The following ANO2 variants were observed in gnomAD, a reference collection of about 807,000 sequenced individuals.
ANO2 encodes anoctamin-2.
In ANO2, 101 loss-of-function variants were observed where a neutral mutation model predicts 124.2. The observed-to-expected ratio is 0.81, with a 90% CI of 0.69 to 0.96. ANO2 has a LOEUF of 0.96. Among genes scored for constraint, ANO2 ranks in the 40% least tolerant of loss-of-function variants. The probability of loss-of-function intolerance (pLI) is 0.00; values close to 1 mark genes in which losing one functional copy is unlikely to be tolerated. For missense variants in ANO2, 1,293 were observed against 1,274.5 expected (o/e 1.01, Z -0.22); for synonymous variants, 486 against 482.5 (o/e 1.01, Z -0.09).
intron 7 of ANO2, among the ~76,000 whole-genome samples, chr12:5,808,349 C>T (rs1023516661): frequency 6.6e-6 from 1 of 152,200 alleles, no homozygotes; most frequent in Non-Finnish European, 1.5e-5. Flanking sequence ...ATAAAGTCGT[C>T]GTTATTTACT....
In ANO2 at chr12:5,923,088, A is replaced by ACG. The variant is rs1327624556; in HGVS notation, c.23-285_23-284insCG. 1.2e-4 allele frequency among the ~76,000 whole-genome samples: 2 copies of ACG among 17,230 alleles called. 1 individual carries two copies. Among genetic ancestry groups the ACG allele is most frequent in the African/African-American group, 1.5e-4 (2 of 13,550 alleles). The allele number at this position is 17,230 out of a possible 152,430, so 11.3% of individuals were successfully genotyped here. A position where few individuals can be genotyped will look rare whatever the true frequency, so the allele number is the denominator to read the frequency against. On this transcript the variant is annotated intron_variant, in intron 1 of 24. Coordinates refer to ENST00000682330, the MANE Select transcript of ANO2 (RefSeq NM_001364791.2). ...CACACACACATGCACACATACACAC[A>ACG]CACACGCACACACATACACACACAT...
At chr12:5,651,974 A>G (rs450725) in intron 14 of ANO2, among the ~76,000 whole-genome samples, 63,958 of 152,126 alleles carry the variant, frequency 0.42, 15,553 homozygotes, top group African/African-American at 0.66. Context: ...TGGATGTACC[A>G]CAGTTCATTT....
In ANO2 at chr12:5,612,954, C is replaced by T. The variant is rs771139190; in HGVS notation, c.1933G>A (p.Val645Met). 1 of 1,613,904 alleles carries T rather than the reference C, an allele frequency of 6.2e-7. No homozygotes were observed. The highest frequency in any genetic ancestry group is 1.1e-5 in the South Asian group (1 of 91,084). ...FYVAFFKGRF[V>M]GRPGSYVYVF... ...TAGACGTAGCTTCCAGGCCTGCCCA[C>T]AAACCTGAAATCAAACAGTGTGGGA... The change falls in exon 18 of 25, where the codon GTG becomes ATG. Residue 645 changes from valine (V) to methionine (M), a missense_variant. Transcript: ENST00000682330.
intron 19 of ANO2, among the ~76,000 whole-genome samples, chr12:5,603,926 AAG>A (rs1944076078): frequency 7.3e-6 from 1 of 137,162 alleles, no homozygotes; most frequent in South Asian, 2.5e-4. Flanking sequence ...TCCTGGGTGA[AAG>A]AGCGAGATTC....
intron 14 of ANO2, among the ~76,000 whole-genome samples, chr12:5,681,532 A>G (rs999007549): frequency 6.6e-6 from 1 of 152,202 alleles, no homozygotes; most frequent in South Asian, 2.1e-4. Context: ...TTGATGGCTG[A>G]GAAATCCTGA....
intron 3 of ANO2, 133 bp downstream of exon 3, chr12:5,920,907 G>A: frequency 9.2e-7 from 1 of 1,087,080 alleles, no homozygotes. Context: ...ACAAAATCTG[G>A]TTTCTCCAGC....
At chr12:5,571,428 C>T (rs1942109655) in intron 23 of ANO2, among the ~76,000 whole-genome samples, 1 of 152,218 alleles carries the variant, frequency 6.6e-6, no homozygotes, top group African/African-American at 2.4e-5. Context: ...ACTTTTATTG[C>T]TATTTTTAAG....
In ANO2 at chr12:5,832,531, G is replaced by C. The variant is rs774781962; in HGVS notation, c.706C>G (p.Leu236Val). 6.2e-7 allele frequency: 1 copy of C among 1,614,002 alleles called. No homozygotes were observed. Among genetic ancestry groups the C allele is most frequent in the Non-Finnish European group, 8.5e-7 (1 of 1,179,884 alleles). The change falls in exon 5 of 25, where the codon CTG becomes GTG. Residue 236 changes from leucine (L) to valine (V), a missense_variant. Transcript: ENST00000682330. Reference sequence around the variant, plus strand: ...CTGTGTTCTGGAACTCGGGGCTGCAGGTGCGAGCTCAGCTTCTGCAGAGCC... The same window carrying C: ...CTGTGTTCTGGAACTCGGGGCTGCACGTGCGAGCTCAGCTTCTGCAGAGCC... ...SAALQKLSSH[L>V]QPRVPEHSNN...
chr12:5,725,260 G>C (rs770627139), intron 14 of ANO2, among the ~76,000 whole-genome samples: 6 of 152,112 alleles, frequency 3.9e-5, no homozygotes, highest in African/African-American at 7.2e-5. Flanking sequence ...GGGATGGTCT[G>C]AAAAACTGAC....
At chr12:5,614,726 G>A (rs527952824) in intron 17 of ANO2, among the ~76,000 whole-genome samples, 1 of 152,280 alleles carries the variant, frequency 6.6e-6, no homozygotes, top group Admixed American at 6.5e-5. Flanking sequence ...ATAGCCAGTG[G>A]GTCATAACTG....
chr12:5,703,249 A>G (rs1017619770), intron 14 of ANO2, among the ~76,000 whole-genome samples: 1 of 152,264 alleles, frequency 6.6e-6, no homozygotes, highest in African/African-American at 2.4e-5. Context: ...AATAATATGT[A>G]TAGTATAATA....
In ANO2 at chr12:5,635,236, C is replaced by T; in HGVS notation, c.1732G>A (p.Ala578Thr). Reference protein sequence around the residue: ...TRSNVRVTVTATAVIINLVVI... With the variant: ...TRSNVRVTVTTTAVIINLVVI... ...ACGAGGTTGATGATGACTGCTGTTG[C>T]TGTCACTGTCACCCGGACATTGGAG... Residue 578 changes from alanine to threonine, a missense_variant, in exon 16 of 25, where the codon GCA becomes ACA. Transcript: ENST00000682330. The surrounding 1 kb of genome is among the most constrained non-coding windows in gnomAD (Gnocchi z 5.2). 4.3e-6 allele frequency: 7 copies of T among 1,613,174 alleles called. No individual in the cohort carries two copies. Among genetic ancestry groups the T allele is most frequent in the Non-Finnish European group, 5.9e-6 (7 of 1,179,694 alleles).
At chr12:5,701,263 T>C (rs1480075672) in intron 14 of ANO2, among the ~76,000 whole-genome samples, 1 of 152,178 alleles carries the variant, frequency 6.6e-6, no homozygotes, top group Non-Finnish European at 1.5e-5. Flanking sequence ...TTATTGACTC[T>C]TCTTGACATT....
At chr12:5,663,161 A>G (rs1947532499) in intron 14 of ANO2, among the ~76,000 whole-genome samples, 1 of 152,166 alleles carries the variant, frequency 6.6e-6, no homozygotes, top group Admixed American at 6.5e-5. Flanking sequence ...CTCCGTGTCC[A>G]GCAGCCTGCC....
At chr12:5,700,205 A>G (rs1406280957) in intron 14 of ANO2, among the ~76,000 whole-genome samples, 2 of 152,148 alleles carry the variant, frequency 1.3e-5, no homozygotes, top group East Asian at 3.9e-4. Flanking sequence ...GCACTCCTCA[A>G]CAAATGTAAA....
In ANO2 at chr12:5,739,394, T is replaced by C. The variant is rs779053051; in HGVS notation, c.1357A>G (p.Met453Val). 3.8e-6 allele frequency: 6 copies of C among 1,599,704 alleles called. No homozygotes were observed. The highest frequency in any genetic ancestry group is 2.3e-5 in the South Asian group (2 of 87,748). Residue 453 changes from methionine (M) to valine (V), a missense_variant, in exon 13 of 25, where the codon ATG becomes GTG. Coordinates refer to ENST00000682330, the MANE Select transcript of ANO2 (RefSeq NM_001364791.2). ...FSIFMALWAT[M>V]FLENWKRLQM... ...AGCCTCTTCCAGTTTTCCAGGAACATGGTAGCTTAAAAAGAACAACAAGAA... is the reference window on the plus strand; with the variant it reads ...AGCCTCTTCCAGTTTTCCAGGAACACGGTAGCTTAAAAAGAACAACAAGAA...
chr12:5,922,010 C>T (rs1396762281), intron 2 of ANO2, among the ~76,000 whole-genome samples: 1 of 152,116 alleles, frequency 6.6e-6, no homozygotes, highest in Non-Finnish European at 1.5e-5. Flanking sequence ...CGACCCCTAC[C>T]CTCCCACCCA....
Position 5,627,519 on chromosome 12 carries a change from C to T in ANO2, c.1816+7633G>A, listed in dbSNP as rs185073430. Among the ~76,000 whole-genome samples the T allele has an allele frequency of 5.7e-4, 87 of 152,364 alleles. 3 individuals are homozygous for T. The East Asian group carries it at 0.016, about 28-fold the overall frequency. ...CTCTGTCCCTGATCAGGCTCCGCTG[C>T]AGAGAGCAGACCCCCCATCCCAGAG... On this transcript the variant is annotated intron_variant, in intron 16 of 24. Transcript: ENST00000682330.
chr12:5,894,444 G>A (rs1296469737), intron 3 of ANO2, among the ~76,000 whole-genome samples: 2 of 152,148 alleles, frequency 1.3e-5, no homozygotes, highest in African/African-American at 4.8e-5. Flanking sequence ...TAGGTTGCCT[G>A]TTCACTCTGA....
Sources: gnomAD v4.1 joint callset for allele counts (sites outside exome capture counted in the v4.1 genomes callset) on GRCh38, gnomAD v4.1.1 for gene constraint, Gnocchi (gnomAD v3.1) non-coding constraint, MANE v1.5 for transcripts, NCBI Gene and HGNC (gene_info 2026-07-23, HGNC 2026-07-21) for gene names.